MUC17: variants seen among roughly 807,000 people sequenced by gnomAD.
The protein encoded by MUC17 is mucin 17, cell surface associated.
A neutral mutation model predicts 170.3 loss-of-function variants in MUC17; 190 were observed. The ratio of observed to expected loss-of-function variants is 1.12; its 90% CI spans 0.99 to 1.26. The LOEUF is 1.26. Ranked by LOEUF, MUC17 falls within the 50% of genes most tolerant of loss-of-function variation. The pLI, the probability that MUC17 is intolerant of heterozygous loss-of-function variation, is 0.00. For synonymous variants in MUC17, 2,325 were observed against 2,002.5 expected (o/e 1.16, Z -4.30); for missense variants, 6,415 against 5,530.0 (o/e 1.16, Z -5.08).
In MUC17 at chr7:101,056,360, A is replaced by G. The variant is rs1795045868; in HGVS notation, c.13440+90A>G. Reference sequence around the variant, plus strand: ...TACATGGTAGGACCTTCAGAAAAACAGAACCATGTTTACAGTTTATTGGTC... The same window carrying G: ...TACATGGTAGGACCTTCAGAAAAACGGAACCATGTTTACAGTTTATTGGTC... On this transcript the variant is annotated intron_variant, in intron 12 of 12. Transcript: ENST00000306151. 9 of 1,549,052 alleles carry G rather than the reference A, an allele frequency of 5.8e-6. 1 individual carries two copies. In the African/African-American group the frequency reaches 9.6e-5, roughly 16 times the overall value.
chr7:101,023,343 G>A (rs1215221461), intron 1 of MUC17, among the ~76,000 whole-genome samples: 1 of 152,154 alleles, frequency 6.6e-6, no homozygotes, highest in Non-Finnish European at 1.5e-5. Flanking sequence ...CCCTGCCGGG[G>A]TGGGGCATGA....
chr7:101,035,505 C>T lies in MUC17; in HGVS notation c.4089C>T (p.Asp1363=). 6.3e-7 allele frequency: 1 copy of T among 1,596,676 alleles called. No individual in the cohort carries two copies. Among genetic ancestry groups the T allele is most frequent in the South Asian group, 1.1e-5 (1 of 89,806 alleles). The change falls in exon 3 of 13, where the codon GAC becomes GAT. Residue 1363 remains aspartate, a synonymous_variant. Transcript: ENST00000306151. ...AISILSTTPV[D]NSTPVTTSTE... is the part of the protein sequence containing the mutation. ...GCATCCTTTCAACAACTCCTGTTGACAACAGCACACCTGTGACCACTTCTA... is the reference window on the plus strand; with the variant it reads ...GCATCCTTTCAACAACTCCTGTTGATAACAGCACACCTGTGACCACTTCTA...
chr7:101,037,553 T>A lies in MUC17; in HGVS notation c.6137T>A (p.Leu2046Ter). The A allele has an allele frequency of 6.2e-7, 1 of 1,613,920 alleles. No homozygotes were observed. Among genetic ancestry groups the A allele is most frequent in the Non-Finnish European group, 8.5e-7 (1 of 1,179,916 alleles). ...ACTCCTAGTGAACGGACCACTCCAT[T>A]AGCAGGTATGCCTGTCAGCACTACG... ...TSTPSERTTP[L>*]AGMPVSTTLV... Residue 2046 changes from leucine to a stop codon, truncating the protein, a stop_gained, in exon 3 of 13, where the codon TTA becomes TAA. Transcript: ENST00000306151. LOFTEE classifies it high-confidence loss of function.
chr7:101,041,626 A>G lies in MUC17; in HGVS notation c.10210A>G (p.Met3404Val). ...TGAAGGAACCACTCCATTAGCAAGT[A>G]TGCCTGTCAGCACCACGCCGGTGGT... ...PSEGTTPLAS[M>V]PVSTTPVVSS... is the part of the protein sequence containing the mutation. Residue 3404 changes from methionine to valine, a missense_variant, in exon 3 of 13, where the codon ATG becomes GTG. Physicochemically the swap from Met to Val is conservative, Grantham distance 21. Transcript: ENST00000306151. The G allele has an allele frequency of 6.2e-7, 1 of 1,613,666 alleles. No homozygotes were observed. The highest frequency in any genetic ancestry group is 8.5e-7 in the Non-Finnish European group (1 of 1,179,794).
rs150088438 is a variant in MUC17 at position 101,041,465 on chromosome 7, C to A, written c.10049C>A (p.Thr3350Lys). The change falls in exon 3 of 13, where the codon ACG (threonine) becomes AAG (lysine). Residue 3350 changes from threonine (T) to lysine (K), a missense_variant. Thr to Lys is a moderately conservative substitution (Grantham distance 78). Coordinates refer to ENST00000306151, the MANE Select transcript of MUC17 (RefSeq NM_001040105.2). ...CTAACAAATATGTCTTTCAGCACCA[C>A]GCCAGTGGTCAGTTCTGAGGCTAGC... Reference protein sequence around the residue: ...TPLTNMSFSTTPVVSSEASTL... With the variant: ...TPLTNMSFSTKPVVSSEASTL... 7.4e-6 allele frequency: 12 copies of A among 1,613,964 alleles called. No individual in the cohort carries two copies. Among genetic ancestry groups the A allele is most frequent in the East Asian group, 6.7e-5 (3 of 44,870 alleles).
rs1399641228 is a variant in MUC17, at chr7:101,033,668, G to A, written c.2252G>A (p.Ser751Asn). 1.1e-5 allele frequency: 18 copies of A among 1,613,420 alleles called. No individual in the cohort carries two copies. The highest frequency in any genetic ancestry group is 1.3e-5 in the Non-Finnish European group (15 of 1,179,818). The change falls in exon 3 of 13, where the codon AGT (serine) becomes AAT (asparagine). Residue 751 changes from serine to asparagine, a missense_variant. Physicochemically the swap from Ser to Asn is conservative, Grantham distance 46 (BLOSUM62 1). Transcript: ENST00000306151. ...TPSEGSTPLT[S>N]MPVSKTLLTS... ...AGTGAAGGAAGCACTCCATTAACAAGTATGCCTGTCAGCAAAACGCTGTTG... is the reference window on the plus strand; with the variant it reads ...AGTGAAGGAAGCACTCCATTAACAAATATGCCTGTCAGCAAAACGCTGTTG...
chr7:101,041,679 A>C lies in MUC17; in HGVS notation c.10263A>C (p.Thr3421=), dbSNP rs759603867. 7 of 1,613,818 alleles carry C rather than the reference A, an allele frequency of 4.3e-6. No individual in the cohort carries two copies. In the East Asian group the frequency reaches 1.6e-4, roughly 36 times the overall value. The change falls in exon 3 of 13, where the codon ACA becomes ACC. Residue 3421 remains threonine (T), a synonymous_variant. Coordinates refer to ENST00000306151, the MANE Select transcript of MUC17 (RefSeq NM_001040105.2). ...GTTCTGAGGTTAACACCCTTTCAAC[A>C]ACTCCTGTGGACTCCAACACTCTGG... ...VVSSEVNTLS[T]TPVDSNTLVT...
At position 101,020,263 on chromosome 7, in the gene MUC17, G is replaced by A. The variant is rs1794048009; in HGVS notation, c.82+46G>A. The stretch of plus-strand genomic sequence containing the variant: ...GCTGCCCAAGAGGCCCCCATCCCAG[G>A]GGCCAGCCTGCTCTGTCTGCCCATC... On this transcript the variant is annotated intron_variant, in intron 1 of 12. Transcript: ENST00000306151. 4 of 1,529,642 alleles carry A rather than the reference G, an allele frequency of 2.6e-6. No homozygotes were observed. The African/African-American group carries it at 4.1e-5, about 16-fold the overall frequency. 94.8% of individuals were successfully genotyped at this position (1,529,642 alleles called of 1,614,324 possible).
At position 101,034,333 on chromosome 7, in the gene MUC17, AT is replaced by A; in HGVS notation, c.2918del (p.Ile973AsnfsTer13). The part of the protein sequence containing the change: ...SSPTTAEGTS[I>X]PTSTPSEGTT... Reference sequence around the variant, plus strand: ...TCCTACAACTGCTGAAGGTACCAGCATACCAACCTCGACTCCTAGTGAAGGA... The same window carrying A: ...TCCTACAACTGCTGAAGGTACCAGCAACCAACCTCGACTCCTAGTGAAGGA... On this transcript the variant is annotated frameshift_variant, in exon 3 of 13. Transcript: ENST00000306151. LOFTEE classifies it high-confidence loss of function. The A allele has an allele frequency of 6.2e-7, 1 of 1,608,840 alleles. No individual in the cohort carries two copies. Among genetic ancestry groups the A allele is most frequent in the Non-Finnish European group, 8.5e-7 (1 of 1,177,706 alleles).
At chr7:101,024,856 C>A (rs1300225387) in intron 1 of MUC17, among the ~76,000 whole-genome samples, 1 of 150,428 alleles carries the variant, frequency 6.6e-6, no homozygotes, top group Non-Finnish European at 1.5e-5. Context: ...AGGGAGCAGG[C>A]CTTCTTTTAA....
rs766922764 is a variant in MUC17 at position 101,036,692 on chromosome 7, C to T, written c.5276C>T (p.Thr1759Met). 126 of 1,613,076 alleles carry T rather than the reference C, an allele frequency of 7.8e-5. No individual in the cohort carries two copies. Among genetic ancestry groups the T allele is most frequent in the Admixed American group, 1.0e-4 (6 of 59,942 alleles). The change falls in exon 3 of 13, where the codon ACG (threonine) becomes ATG (methionine). Residue 1759 changes from threonine to methionine, a missense_variant. Transcript: ENST00000306151. ...TPLTSIPVST[T>M]PVLSSEASTL... The stretch of plus-strand genomic sequence containing the variant: ...TTAACAAGTATACCTGTCAGCACCA[C>T]GCCGGTACTCAGTTCTGAGGCTAGC...
intron 2 of MUC17, 89 bp downstream of exon 2, chr7:101,031,310 A>G (rs1794275167): frequency 1.3e-6 from 2 of 1,523,226 alleles, no homozygotes; most frequent in Non-Finnish European, 8.8e-7. Flanking sequence ...TGAAGCTGCC[A>G]TATTTTACAG....
rs140905069 is a variant in MUC17 at position 101,033,974 on chromosome 7, C to T, written c.2558C>T (p.Thr853Ile). Residue 853 changes from threonine (T) to isoleucine (I), a missense_variant, in exon 3 of 13, where the codon ACC becomes ATC. Coordinates refer to ENST00000306151, the MANE Select transcript of MUC17 (RefSeq NM_001040105.2). Reference protein sequence around the residue: ...VSSSPTPAEGTSMPTSTYSEG... With the variant: ...VSSSPTPAEGISMPTSTYSEG... ...TCATCTCCTACACCTGCTGAAGGTA[C>T]CAGCATGCCAACCTCAACTTATAGT... 4 of 1,603,058 alleles carry T rather than the reference C, an allele frequency of 2.5e-6. No individual in the cohort carries two copies. In the African/African-American group the frequency reaches 4.1e-5, roughly 16 times the overall value.
Position 101,042,898 on chromosome 7 carries a change from A to T in MUC17, c.11482A>T (p.Ser3828Cys), listed in dbSNP as rs1313168156. The change falls in exon 3 of 13, where the codon AGT (serine) becomes TGT (cysteine). Residue 3828 changes from serine to cysteine, a missense_variant. Ser to Cys is a moderately radical substitution (Grantham distance 112). Transcript: ENST00000306151. ...TVLISPISVM[S>C]PSEASTLSTP... ...CCTCATCAGCCCTATATCTGTGATGAGTCCTTCTGAGGCCAGCACACTTTC... is the reference window on the plus strand; with the variant it reads ...CCTCATCAGCCCTATATCTGTGATGTGTCCTTCTGAGGCCAGCACACTTTC... The T allele has an allele frequency of 6.2e-7, 1 of 1,614,110 alleles. No individual in the cohort carries two copies. Among genetic ancestry groups the T allele is most frequent in the South Asian group, 1.1e-5 (1 of 91,086 alleles).
chr7:101,053,237 G>C, intron 10 of MUC17, 90 bp downstream of exon 10: 1 of 1,584,518 alleles, frequency 6.3e-7, no homozygotes, highest in Non-Finnish European at 8.6e-7. Context: ...TCATAGTCTA[G>C]GTGGGCAGCG....
At chr7:101,050,774 G>T (rs969026728) in intron 7 of MUC17, 139 bp downstream of exon 7, 6 of 1,286,406 alleles carry the variant, frequency 4.7e-6, no homozygotes, top group Non-Finnish European at 6.2e-6. Context: ...AGTCCCTGGG[G>T]TTGCAGCGCA....
chr7:101,056,363 A>AC lies in MUC17; in HGVS notation c.13440+95dup. ...ATGGTAGGACCTTCAGAAAAACAGA[A>AC]CCATGTTTACAGTTTATTGGTCCAG... On this transcript the variant is annotated intron_variant, in intron 12 of 12. Coordinates refer to ENST00000306151, the MANE Select transcript of MUC17 (RefSeq NM_001040105.2). 2.0e-6 allele frequency: 3 copies of AC among 1,538,134 alleles called. No individual in the cohort carries two copies. The East Asian group carries it at 7.2e-5, about 37-fold the overall frequency.
intron 7 of MUC17, among the ~76,000 whole-genome samples, chr7:101,051,095 G>A (rs1794932846): frequency 6.6e-6 from 1 of 152,046 alleles, no homozygotes; most frequent in African/African-American, 2.4e-5. Context: ...GGCAGGCATG[G>A]TGGCTCACGC....
At chr7:101,031,383 G>A (rs1794276306) in intron 2 of MUC17, among the ~76,000 whole-genome samples, 162 bp downstream of exon 2, 1 of 152,158 alleles carries the variant, frequency 6.6e-6, no homozygotes, top group African/African-American at 2.4e-5. Flanking sequence ...ACCCAGGCAG[G>A]GACTGTGGAG....
Sources: gnomAD v4.1 joint callset for allele counts (sites outside exome capture counted in the v4.1 genomes callset) on GRCh38, gnomAD v4.1.1 for gene constraint, MANE v1.5 for transcripts, NCBI Gene and HGNC (gene_info 2026-07-23, HGNC 2026-07-21) for gene names.